The following SYNE2 variants were observed in gnomAD, a reference collection of about 807,000 sequenced individuals.
The protein encoded by SYNE2 is nesprin-2.
In SYNE2, 431 loss-of-function variants were observed where a neutral mutation model predicts 856.3. That is an observed-to-expected ratio of 0.50 (90% CI 0.47 to 0.55). The LOEUF is 0.55. Among genes scored for constraint, SYNE2 ranks in the 20% least tolerant of loss-of-function variants. The pLI, the probability that SYNE2 is intolerant of heterozygous loss-of-function variation, is 0.00. For synonymous variants in SYNE2, 2,923 were observed against 2,872.3 expected (o/e 1.02, Z -0.56); for missense variants, 8,129 against 8,023.2 (o/e 1.01, Z -0.50).
intron 80 of SYNE2, among the ~76,000 whole-genome samples, chr14:64,140,873 G>A (rs187135152): frequency 2.0e-5 from 3 of 151,672 alleles, no homozygotes; most frequent in African/African-American, 7.2e-5. Context: ...ATGAAACGTA[G>A]TCTTTTCTGT....
chr14:64,141,850 ACCTTT>A (rs2098141605), intron 81 of SYNE2, 87 bp from the exon 82 acceptor site: 1 of 1,488,540 alleles, frequency 6.7e-7, no homozygotes. Flanking sequence ...ATATAGCAAG[ACCTTT>A]TATCAAACCA....
At chr14:64,002,341 C>T (rs2096761820) in intron 29 of SYNE2, among the ~76,000 whole-genome samples, 1 of 152,162 alleles carries the variant, frequency 6.6e-6, no homozygotes, top group African/African-American at 2.4e-5. Flanking sequence ...ATGCCTTCTT[C>T]AGTGACTGAA....
chr14:64,210,271 C>A (rs2140161143), intron 103 of SYNE2, 147 bp downstream of exon 103: 1 of 1,070,688 alleles, frequency 9.3e-7, no homozygotes, highest in East Asian at 2.6e-5. Context: ...CACAAAGAAG[C>A]CCAAAGCTGC....
chr14:64,209,051 C>A (rs1342624048), intron 101 of SYNE2, 106 bp downstream of exon 101: 5 of 1,386,746 alleles, frequency 3.6e-6, no homozygotes, highest in Non-Finnish European at 5.0e-6. Context: ...CTTAGAAATG[C>A]GCCAGGTATT....
At chr14:63,869,515 G>A (rs902372302) in intron 1 of SYNE2, among the ~76,000 whole-genome samples, 2 of 151,638 alleles carry the variant, frequency 1.3e-5, no homozygotes, top group Admixed American at 6.6e-5. Flanking sequence ...CCAGCTACTC[G>A]GGAGGCTGAG....
chr14:63,946,090 A>G (rs2096021735), intron 6 of SYNE2, among the ~76,000 whole-genome samples: 1 of 152,116 alleles, frequency 6.6e-6, no homozygotes, highest in Non-Finnish European at 1.5e-5. Flanking sequence ...TTTATTATTT[A>G]AGCCTTGATG....
intron 32 of SYNE2, 74 bp downstream of exon 32, chr14:64,010,190 G>A: frequency 6.9e-7 from 1 of 1,459,294 alleles, no homozygotes; most frequent in Non-Finnish European, 9.4e-7. Flanking sequence ...AGATATTATA[G>A]ATTAAGTCTT....
In SYNE2 at chr14:63,970,651, CTTTTTTTTTTTTT is replaced by C. The variant is rs61126600; in HGVS notation, c.1128+2813_1128+2825del. Among the ~76,000 whole-genome samples the C allele has an allele frequency of 7.1e-5, 7 of 98,888 alleles. 1 individual carries two copies. Among genetic ancestry groups the C allele is most frequent in the Admixed American group, 2.4e-4 (2 of 8,436 alleles). The allele number at this position is 98,888 out of a possible 152,430, so 64.9% of individuals were successfully genotyped here. On this transcript the variant is annotated intron_variant, in intron 11 of 115. Coordinates refer to ENST00000555002, the MANE Select transcript of SYNE2 (RefSeq NM_182914.3). The stretch of plus-strand genomic sequence containing the variant: ...TTCTGTCTTTTTTCTTTTCTTTTTT[CTTTTTTTTTTTTT>C]TTTTTTTGAGATATAGTCTCTCTCT...
Position 64,216,380 on chromosome 14 carries a change from C to A in SYNE2, c.19535C>A (p.Pro6512Gln). 6.2e-7 allele frequency: 1 copy of A among 1,614,178 alleles called. No homozygotes were observed. ...VPPASSTPYK[P>Q]PYGKLLLPPG... ...CCTGCGTCCAGCACCCCTTATAAAC[C>A]ACCCTATGTAAGTCTTAACTTCACT... is the stretch of plus-strand genomic sequence containing the variant. The change falls in exon 108 of 116, where the codon CCA becomes CAA. Residue 6512 changes from proline to glutamine, a missense_variant. Physicochemically the swap from Pro to Gln is moderately conservative, Grantham distance 76. Coordinates refer to ENST00000555002, the MANE Select transcript of SYNE2 (RefSeq NM_182914.3).
chr14:64,203,538 C>T lies in SYNE2; in HGVS notation c.18201+575C>T, dbSNP rs58089859. Among the ~76,000 whole-genome samples the T allele has an allele frequency of 6.7e-3, 1,021 of 152,342 alleles. 19 individuals carry two copies. The highest frequency in any genetic ancestry group is 0.026 in the East Asian group (137 of 5,180). On this transcript the variant is annotated intron_variant, in intron 100 of 115. Transcript: ENST00000555002. The stretch of plus-strand genomic sequence containing the variant: ...GCTGCTGAGTTCTGCCAGTGTTTCT[C>T]ATTGTACCCACCTGACAGGTGCTCT...
At chr14:64,141,678 A>G (rs957876102) in intron 81 of SYNE2, among the ~76,000 whole-genome samples, 155 bp downstream of exon 81, 3 of 152,130 alleles carry the variant, frequency 2.0e-5, no homozygotes, top group East Asian at 3.8e-4. Context: ...CCCTCCTCCA[A>G]TGGGATTTTT....
At chr14:63,808,217 T>G (rs1299090481) in intron 1 of SYNE2, among the ~76,000 whole-genome samples, 1 of 138,238 alleles carries the variant, frequency 7.2e-6, no homozygotes, top group African/African-American at 2.6e-5. Context: ...TGTGAGCCAC[T>G]GCACCCAGCC....
chr14:64,190,881 A>T (rs998561889), intron 99 of SYNE2: 2 of 693,528 alleles, frequency 2.9e-6, no homozygotes, highest in Non-Finnish European at 5.3e-6. Context: ...ATGATGCCCA[A>T]AATTTTTAAA....
intron 1 of SYNE2, among the ~76,000 whole-genome samples, chr14:63,860,028 C>T (rs765905344): frequency 2.9e-5 from 4 of 135,594 alleles, no homozygotes; most frequent in Non-Finnish European, 4.7e-5. Context: ...AGCTTTGTTG[C>T]CCAGCTGGCT....
chr14:63,800,344 C>T (rs1888085719), intron 1 of SYNE2, among the ~76,000 whole-genome samples: 1 of 152,146 alleles, frequency 6.6e-6, no homozygotes, highest in Non-Finnish European at 1.5e-5. Context: ...CCTCAGCCTC[C>T]TGAGTAGCTG....
intron 70 of SYNE2, among the ~76,000 whole-genome samples, chr14:64,123,003 G>A (rs1376240491): frequency 6.6e-6 from 1 of 151,838 alleles, no homozygotes; most frequent in Non-Finnish European, 1.5e-5. Flanking sequence ...GGAGGCTGAG[G>A]CAGGAGAATT....
At chr14:64,064,761 CT>C (rs1308450243) in intron 50 of SYNE2, among the ~76,000 whole-genome samples, 2 of 151,598 alleles carry the variant, frequency 1.3e-5, no homozygotes, top group East Asian at 1.9e-4. Flanking sequence ...GCTATGTTGC[CT>C]TGCTATGTCT....
intron 1 of SYNE2, among the ~76,000 whole-genome samples, chr14:63,897,778 A>C (rs2095276864): frequency 6.6e-6 from 1 of 152,080 alleles, no homozygotes. Context: ...AGGACCCCAC[A>C]CCACCCATGC....
intron 1 of SYNE2, among the ~76,000 whole-genome samples, chr14:63,861,061 A>G (rs1893480225): frequency 6.6e-6 from 1 of 152,110 alleles, no homozygotes; most frequent in Non-Finnish European, 1.5e-5. Context: ...AACCATGGGC[A>G]TAGAGGATTA....
Sources: gnomAD v4.1 joint callset for allele counts (sites outside exome capture counted in the v4.1 genomes callset) on GRCh38, gnomAD v4.1.1 for gene constraint, MANE v1.5 for transcripts, NCBI Gene and HGNC (gene_info 2026-07-23, HGNC 2026-07-21) for gene names.